GRK5: variants seen among roughly 807,000 people sequenced by gnomAD.
The protein encoded by GRK5 is g protein-coupled receptor kinase GRK5.
Under a neutral mutation model 78.4 loss-of-function variants are expected in GRK5, and 40 were observed. The observed-to-expected ratio is 0.51, with a 90% CI of 0.40 to 0.66. The LOEUF (loss-of-function observed/expected upper bound fraction) is 0.66. Among genes scored for constraint, GRK5 ranks in the 30% least tolerant of loss-of-function variants. The probability of loss-of-function intolerance (pLI) is 0.00; values close to 1 mark genes in which losing one functional copy is unlikely to be tolerated. For synonymous variants in GRK5, 289 were observed against 296.8 expected (o/e 0.97, Z 0.27); for missense variants, 598 against 759.9 (o/e 0.79, Z 2.50).
chr10:119,255,278 C>T (rs1456919575), intron 1 of GRK5, among the ~76,000 whole-genome samples: 1 of 152,078 alleles, frequency 6.6e-6, no homozygotes, highest in Non-Finnish European at 1.5e-5. Flanking sequence ...ATCTCTTATT[C>T]TCAGGGGTAT....
intron 1 of GRK5, among the ~76,000 whole-genome samples, chr10:119,239,409 G>A (rs1237422041): frequency 6.6e-6 from 1 of 151,970 alleles, no homozygotes. Context: ...TAAATTTTTT[G>A]TATTTTTAGT....
intron 1 of GRK5, among the ~76,000 whole-genome samples, chr10:119,240,644 T>C: frequency 6.6e-6 from 1 of 152,030 alleles, no homozygotes; most frequent in East Asian, 1.9e-4. Flanking sequence ...TTTTGAGAAG[T>C]ATCTGTTCAT....
intron 3 of GRK5, among the ~76,000 whole-genome samples, chr10:119,393,028 G>A (rs185748668): frequency 1.1e-4 from 16 of 152,346 alleles, no homozygotes; most frequent in African/African-American, 3.8e-4. Flanking sequence ...CGTGTGGAGT[G>A]TGATCTGCCT....
At chr10:119,318,748 C>A (rs1036348494) in intron 1 of GRK5, among the ~76,000 whole-genome samples, 77 of 152,138 alleles carry the variant, frequency 5.1e-4, no homozygotes, top group African/African-American at 1.8e-3. Flanking sequence ...GCACCTCCCC[C>A]ATCCTCAGCT....
At chr10:119,386,681 T>C (rs1184727674) in intron 3 of GRK5, among the ~76,000 whole-genome samples, 1 of 152,200 alleles carries the variant, frequency 6.6e-6, no homozygotes, top group East Asian at 1.9e-4. Flanking sequence ...AGCGAGACTT[T>C]TTCATCGCCC....
At chr10:119,357,083 AC>A (rs1286858644) in intron 2 of GRK5, among the ~76,000 whole-genome samples, 1 of 152,282 alleles carries the variant, frequency 6.6e-6, no homozygotes. Flanking sequence ...CTGGGGGCCA[AC>A]TGGACCCTGG....
Position 119,329,373 on chromosome 10 carries a change from C to T in GRK5, c.148+2762C>T, listed in dbSNP as rs941312598. Among the ~76,000 whole-genome samples, 5 of 152,186 alleles carry T rather than the reference C, an allele frequency of 3.3e-5. 1 individual carries two copies. In the South Asian group the frequency reaches 8.3e-4, roughly 25 times the overall value. On this transcript the variant is annotated intron_variant, in intron 2 of 15. Transcript: ENST00000392870. ...AAAACAAACATAAGATTTTGAAAGC[C>T]GGGAGAGAAGAAGGCAGACTGGCTG...
chr10:119,247,234 G>C (rs1189549047), intron 1 of GRK5, among the ~76,000 whole-genome samples: 1 of 152,192 alleles, frequency 6.6e-6, no homozygotes, highest in Non-Finnish European at 1.5e-5. Context: ...TGGTAAACCT[G>C]ACTTGGGGAA....
At chr10:119,393,267 G>A (rs1441011869) in intron 3 of GRK5, among the ~76,000 whole-genome samples, 2 of 152,264 alleles carry the variant, frequency 1.3e-5, no homozygotes, top group Admixed American at 6.5e-5. Flanking sequence ...GATCCCGGCA[G>A]GGGAGGCCTG....
intron 12 of GRK5, among the ~76,000 whole-genome samples, chr10:119,447,882 G>C (rs879635096): frequency 6.6e-6 from 1 of 152,232 alleles, no homozygotes; most frequent in Non-Finnish European, 1.5e-5. Flanking sequence ...CCAGGAACGA[G>C]GTCTGTAATC....
In GRK5 at chr10:119,425,925, T is replaced by C. The variant is rs565922749; in HGVS notation, c.533+840T>C. 2.0e-5 allele frequency among the ~76,000 whole-genome samples: 3 copies of C among 152,380 alleles called. No homozygotes were observed. In the East Asian group the frequency reaches 5.8e-4, roughly 29 times the overall value. The stretch of plus-strand genomic sequence containing the variant: ...AGTGCTGCCGACGAGGCCCCGGCCC[T>C]GAGCCCCCAGCGCAGTGCTCTGCTA... On this transcript the variant is annotated intron_variant, in intron 6 of 15. Transcript: ENST00000392870.
chr10:119,324,266 G>A (rs1041220534), intron 1 of GRK5, among the ~76,000 whole-genome samples: 8 of 152,226 alleles, frequency 5.3e-5, no homozygotes, highest in South Asian at 4.1e-4. Context: ...TATGAGCCAC[G>A]GGGCCACAGG....
At chr10:119,374,292 T>C (rs1356229350) in intron 2 of GRK5, among the ~76,000 whole-genome samples, 1 of 152,210 alleles carries the variant, frequency 6.6e-6, no homozygotes, top group Non-Finnish European at 1.5e-5. Flanking sequence ...ACACAGAGAA[T>C]TGATGGCAGA....
At chr10:119,294,346 C>T (rs536714465) in intron 1 of GRK5, among the ~76,000 whole-genome samples, 9 of 152,270 alleles carry the variant, frequency 5.9e-5, no homozygotes, top group South Asian at 2.1e-4. Flanking sequence ...GTTGGTTAGA[C>T]GTGTCCCCCC....
At chr10:119,233,428 G>A (rs1030404746) in intron 1 of GRK5, among the ~76,000 whole-genome samples, 2 of 152,156 alleles carry the variant, frequency 1.3e-5, no homozygotes, top group African/African-American at 4.8e-5. Flanking sequence ...AGCTGGTGGA[G>A]GGAAACTTGG....
At chr10:119,363,279 C>CA (rs373115186) in intron 2 of GRK5, among the ~76,000 whole-genome samples, 36,789 of 130,256 alleles carry the variant, frequency 0.28, 5,196 homozygotes, top group East Asian at 0.62. Flanking sequence ...GAAACTGTCT[C>CA]AAAAAAAAAA....
At chr10:119,444,127 G>T (rs1853096544) in intron 12 of GRK5, among the ~76,000 whole-genome samples, 1 of 152,124 alleles carries the variant, frequency 6.6e-6, no homozygotes, top group Admixed American at 6.5e-5. Context: ...CTGCCCGTGG[G>T]CCTCCTGCTC....
intron 3 of GRK5, among the ~76,000 whole-genome samples, chr10:119,386,782 A>G (rs891524771): frequency 6.6e-5 from 10 of 152,156 alleles, no homozygotes; most frequent in Non-Finnish European, 1.2e-4. Flanking sequence ...CTTCTCGTCT[A>G]AAATCCGTTT....
chr10:119,207,675 G>A lies in GRK5; in HGVS notation c.-243G>A. 4.8e-6 allele frequency: 2 copies of A among 420,154 alleles called. No individual in the cohort carries two copies. The highest frequency in any genetic ancestry group is 8.1e-6 in the Non-Finnish European group (2 of 246,716). 26.0% of individuals were successfully genotyped at this position (420,154 alleles called of 1,614,324 possible). A position where few individuals can be genotyped will look rare whatever the true frequency, so the allele number is the denominator to read the frequency against. On this transcript the variant is annotated 5_prime_UTR_variant, in exon 1 of 16. Coordinates refer to ENST00000392870, the MANE Select transcript of GRK5 (RefSeq NM_005308.3). ...GGGTGGGGGGGAGCGTGTTGAGGGA[G>A]GGGGGAGGGGGGACACAGAGGGAGG...
Sources: gnomAD v4.1 joint callset for allele counts (sites outside exome capture counted in the v4.1 genomes callset) on GRCh38, gnomAD v4.1.1 for gene constraint, MANE v1.5 for transcripts, NCBI Gene and HGNC (gene_info 2026-07-23, HGNC 2026-07-21) for gene names.